The following RORA variants were observed in gnomAD, a reference collection of about 807,000 sequenced individuals.
RORA encodes RAR related orphan receptor A.
Under a neutral mutation model 69.5 loss-of-function variants are expected in RORA, and 7 were observed. The observed-to-expected ratio is 0.10, with a 90% CI of 0.06 to 0.19. The LOEUF (loss-of-function observed/expected upper bound fraction) is 0.19, where lower values mean the gene tolerates loss of function less well. Ranked by LOEUF, RORA falls within the 10% of genes least tolerant of loss-of-function variation. The probability of loss-of-function intolerance (pLI) is 1.00; values close to 1 mark genes in which losing one functional copy is unlikely to be tolerated. For missense variants in RORA, 457 were observed against 663.0 expected (o/e 0.69, Z 3.41); for synonymous variants, 261 against 240.8 (o/e 1.08, Z -0.78).
chr15:60,578,159 C>T (rs941673165), intron 2 of RORA, among the ~76,000 whole-genome samples: 3 of 152,146 alleles, frequency 2.0e-5, no homozygotes, highest in Non-Finnish European at 4.4e-5. Flanking sequence ...TAAAATACAC[C>T]GGTATATTTT....
chr15:61,051,993 C>G (rs2078021636), intron 1 of RORA, among the ~76,000 whole-genome samples: 1 of 152,212 alleles, frequency 6.6e-6, no homozygotes, highest in African/African-American at 2.4e-5. Context: ...CTTGTGCAGC[C>G]TGGAAGTCTT....
chr15:60,797,539 T>C (rs960403102), intron 1 of RORA, among the ~76,000 whole-genome samples: 4 of 152,160 alleles, frequency 2.6e-5, no homozygotes, highest in African/African-American at 9.7e-5. Flanking sequence ...TTGGGTACCA[T>C]GAGTTGTTTT....
At chr15:60,592,337 C>T (rs983342299) in intron 2 of RORA, 3 of 1,314,622 alleles carry the variant, frequency 2.3e-6, no homozygotes, top group Non-Finnish European at 3.0e-6. Flanking sequence ...CTCCTCCCCG[C>T]CCCCCGGAGC....
intron 1 of RORA, among the ~76,000 whole-genome samples, chr15:61,168,207 TGCGTGCGTGC>T (rs1034015839): frequency 1.3e-5 from 2 of 148,522 alleles, no homozygotes; most frequent in Admixed American, 6.6e-5. Context: ...TACACGCGCG[TGCGTGCGTGC>T]GTGTGTGTGT....
chr15:60,550,752 C>A (rs1043735093), intron 2 of RORA, among the ~76,000 whole-genome samples: 2 of 152,112 alleles, frequency 1.3e-5, no homozygotes, highest in Non-Finnish European at 2.9e-5. Flanking sequence ...AGTAATGCTA[C>A]CCTAATTCTG....
At chr15:61,034,788 C>CAA (rs33933996) in intron 1 of RORA, among the ~76,000 whole-genome samples, 11 of 82,948 alleles carry the variant, frequency 1.3e-4, no homozygotes, top group African/African-American at 4.1e-4. Context: ...CATCACAGAC[C>CAA]AAAAAAAAAA....
chr15:60,786,541 T>C (rs2072336533), intron 1 of RORA, among the ~76,000 whole-genome samples: 2 of 152,256 alleles, frequency 1.3e-5, no homozygotes, highest in East Asian at 1.9e-4. Flanking sequence ...GGGGCTACTC[T>C]AGAGAGCTAA....
chr15:60,818,753 T>C (rs1010128542), intron 1 of RORA, among the ~76,000 whole-genome samples: 3 of 152,212 alleles, frequency 2.0e-5, no homozygotes, highest in African/African-American at 7.2e-5. Context: ...AGTAGGACAA[T>C]GAATTGAACT....
intron 2 of RORA, among the ~76,000 whole-genome samples, chr15:60,610,685 T>C (rs973794917): frequency 6.6e-6 from 1 of 151,638 alleles, no homozygotes; most frequent in African/African-American, 2.4e-5. Flanking sequence ...AAGTAGGCAG[T>C]GATAGAAACA....
intron 2 of RORA, among the ~76,000 whole-genome samples, chr15:60,597,544 CACACAA>C (rs1205306336): frequency 1.4e-4 from 9 of 65,016 alleles, no homozygotes; most frequent in African/African-American, 5.4e-4. Flanking sequence ...CACACACACA[CACACAA>C]CATATATATA....
At chr15:61,159,593 C>T (rs1868364874) in intron 1 of RORA, among the ~76,000 whole-genome samples, 1 of 152,134 alleles carries the variant, frequency 6.6e-6, no homozygotes, top group African/African-American at 2.4e-5. Flanking sequence ...AGTTCAAGAA[C>T]ATTTCCAATC....
intron 1 of RORA, chr15:61,176,290 G>A (rs1324510122): frequency 6.6e-6 from 1 of 152,140 alleles, no homozygotes; most frequent in East Asian, 1.9e-4. Flanking sequence ...TGTCATTTAA[G>A]TAACAAACTC....
intron 2 of RORA, among the ~76,000 whole-genome samples, chr15:60,620,748 T>C (rs1018692102): frequency 1.3e-5 from 2 of 152,174 alleles, no homozygotes; most frequent in African/African-American, 2.4e-5. Flanking sequence ...TTGGCTGGAG[T>C]GCTCCCAGGT....
intron 1 of RORA, among the ~76,000 whole-genome samples, chr15:60,990,180 A>T (rs1403618445): frequency 6.6e-6 from 1 of 152,194 alleles, no homozygotes; most frequent in African/African-American, 2.4e-5. Context: ...AGCTCCAATT[A>T]TGCCCTAATG....
intron 2 of RORA, among the ~76,000 whole-genome samples, chr15:60,671,082 A>T (rs2070458954): frequency 6.9e-6 from 1 of 143,942 alleles, no homozygotes; most frequent in South Asian, 2.2e-4. Flanking sequence ...ATATATATAT[A>T]TATATATATA....
intron 1 of RORA, among the ~76,000 whole-genome samples, chr15:61,166,702 A>T (rs1035024192): frequency 6.6e-6 from 1 of 152,150 alleles, no homozygotes; most frequent in Admixed American, 6.5e-5. Flanking sequence ...CCTCTGTTAG[A>T]GGGAGAGCCA....
intron 2 of RORA, among the ~76,000 whole-genome samples, chr15:60,559,204 C>A (rs1334968310): frequency 6.6e-6 from 1 of 152,052 alleles, no homozygotes; most frequent in Non-Finnish European, 1.5e-5. Flanking sequence ...ATTGTATATG[C>A]TGTAATGCTC....
rs1046301267 is a variant in RORA, at chr15:61,087,047, T to G, written c.166+142006A>C. Among the ~76,000 whole-genome samples the G allele has an allele frequency of 1.7e-4, 26 of 152,300 alleles. No homozygotes were observed. In the East Asian group the frequency reaches 4.8e-3, roughly 28 times the overall value. ...ATTGGCCAGCCATGGCAGTGTGGCC[T>G]GTAGTCCTAGCTACTCAAGAGGCTG... On this transcript the variant is annotated intron_variant, in intron 1 of 10. Coordinates refer to ENST00000335670, the MANE Select transcript of RORA (RefSeq NM_134261.3).
intron 1 of RORA, among the ~76,000 whole-genome samples, chr15:60,983,479 C>G (rs1595860816): frequency 6.6e-6 from 1 of 152,142 alleles, no homozygotes; most frequent in Non-Finnish European, 1.5e-5. Flanking sequence ...TTTTCCTGAT[C>G]TGGGAGAGAT....
Sources: gnomAD v4.1 joint callset for allele counts (sites outside exome capture counted in the v4.1 genomes callset) on GRCh38, gnomAD v4.1.1 for gene constraint, MANE v1.5 for transcripts, NCBI Gene and HGNC (gene_info 2026-07-23, HGNC 2026-07-21) for gene names.